CDH20: variants seen among roughly 807,000 people sequenced by gnomAD.
CDH20 encodes the protein cadherin 20.
A neutral mutation model predicts 74.2 loss-of-function variants in CDH20; 29 were observed. The observed-to-expected ratio is 0.39, with a 90% CI of 0.29 to 0.53. The LOEUF is 0.53. CDH20 is among the 20% of genes least tolerant of loss of function. The pLI is 0.69. For missense variants in CDH20, 988 were observed against 1,048.3 expected (o/e 0.94, Z 0.79); for synonymous variants, 469 against 405.4 (o/e 1.16, Z -1.88).
intron 1 of CDH20, among the ~76,000 whole-genome samples, chr18:61,426,017 G>A (rs1432848048): frequency 6.6e-6 from 1 of 152,076 alleles, no homozygotes; most frequent in Non-Finnish European, 1.5e-5. Flanking sequence ...CATTGCTAGT[G>A]TACAGAAACA....
chr18:61,431,632 G>A (rs887406741), intron 1 of CDH20, among the ~76,000 whole-genome samples: 1 of 151,828 alleles, frequency 6.6e-6, no homozygotes, highest in African/African-American at 2.4e-5. Flanking sequence ...CCTAGAAAGT[G>A]CCTACCATAT....
chr18:61,488,165 T>C (rs1354290019), intron 1 of CDH20, among the ~76,000 whole-genome samples: 5 of 152,166 alleles, frequency 3.3e-5, no homozygotes, highest in African/African-American at 1.2e-4. Context: ...TTTTCTTTAC[T>C]ATTGAAGAGT....
chr18:61,396,429 T>A (rs1007900264), intron 1 of CDH20, among the ~76,000 whole-genome samples: 5 of 152,156 alleles, frequency 3.3e-5, no homozygotes, highest in Admixed American at 1.3e-4. Flanking sequence ...CCAGTTTTTA[T>A]CTGCTCAGAG....
intron 5 of CDH20, among the ~76,000 whole-genome samples, chr18:61,505,174 A>G (rs1911516792): frequency 1.3e-5 from 2 of 152,146 alleles, no homozygotes; most frequent in African/African-American, 4.8e-5. Flanking sequence ...AAGGGACAGT[A>G]GAACCAGCTA....
At chr18:61,483,813 C>T (rs544065939) in intron 1 of CDH20, among the ~76,000 whole-genome samples, 1 of 152,310 alleles carries the variant, frequency 6.6e-6, no homozygotes, top group East Asian at 1.9e-4. Context: ...ATAATTACCT[C>T]CAGTTTGTAA....
chr18:61,513,543 C>G (rs1162879518), intron 6 of CDH20, among the ~76,000 whole-genome samples: 1 of 147,764 alleles, frequency 6.8e-6, no homozygotes, highest in Non-Finnish European at 1.5e-5. Context: ...CCTGCCATTA[C>G]GATGTTAGCT....
At chr18:61,404,395 C>A (rs995301177) in intron 1 of CDH20, among the ~76,000 whole-genome samples, 6 of 152,094 alleles carry the variant, frequency 3.9e-5, no homozygotes, top group Non-Finnish European at 5.9e-5. Context: ...AGGCCACTAA[C>A]CCACCAAAAT....
At chr18:61,496,263 T>TTTCC (rs1303118258) in intron 2 of CDH20, among the ~76,000 whole-genome samples, 1 of 106,060 alleles carries the variant, frequency 9.4e-6, no homozygotes, top group African/African-American at 3.9e-5. Flanking sequence ...TCTCCCTTCC[T>TTTCC]CTCCCTTCCT....
chr18:61,531,171 G>A (rs911908468), intron 7 of CDH20, among the ~76,000 whole-genome samples: 1 of 152,234 alleles, frequency 6.6e-6, no homozygotes, highest in Admixed American at 6.5e-5. Flanking sequence ...CCCCATTGGG[G>A]AAATCAGAGA....
intron 1 of CDH20, among the ~76,000 whole-genome samples, chr18:61,414,078 C>A (rs1912604138): frequency 6.6e-6 from 1 of 152,096 alleles, no homozygotes; most frequent in South Asian, 2.1e-4. Flanking sequence ...TATTTGAATT[C>A]TTATGAATGA....
intron 1 of CDH20, among the ~76,000 whole-genome samples, chr18:61,398,234 A>G (rs768676107): frequency 6.6e-6 from 1 of 152,214 alleles, no homozygotes; most frequent in African/African-American, 2.4e-5. Context: ...TACATAGTAC[A>G]TGTCTTATTT....
At chr18:61,524,084 C>G (rs1912304133) in intron 6 of CDH20, among the ~76,000 whole-genome samples, 5 of 151,896 alleles carry the variant, frequency 3.3e-5, no homozygotes, top group Admixed American at 2.0e-4. Flanking sequence ...ATAAAGGACA[C>G]TGTTAAGAGA....
At chr18:61,340,117 G>A (rs747290733) in intron 1 of CDH20, among the ~76,000 whole-genome samples, 1 of 151,236 alleles carries the variant, frequency 6.6e-6, no homozygotes, top group Non-Finnish European at 1.5e-5. Flanking sequence ...CTACTTATCT[G>A]TTCCTGCACC....
chr18:61,549,187 CCACAA>C (rs896981701), intron 10 of CDH20, among the ~76,000 whole-genome samples: 3 of 152,140 alleles, frequency 2.0e-5, no homozygotes, highest in Admixed American at 6.6e-5. Context: ...ATGAAAACTC[CCACAA>C]CACAATATGT....
chr18:61,366,499 A>G (rs1449233074), intron 1 of CDH20, among the ~76,000 whole-genome samples: 1 of 152,204 alleles, frequency 6.6e-6, no homozygotes, highest in Non-Finnish European at 1.5e-5. Context: ...TGGACATTAC[A>G]TAAATCCTTA....
intron 1 of CDH20, among the ~76,000 whole-genome samples, chr18:61,388,077 C>G (rs1017429320): frequency 6.6e-6 from 1 of 152,074 alleles, no homozygotes; most frequent in African/African-American, 2.4e-5. Context: ...AGTGCTATAC[C>G]TACAGTGCAA....
At chr18:61,489,062 A>G (rs653271) in intron 1 of CDH20, among the ~76,000 whole-genome samples, 151,154 of 152,370 alleles carry the variant, frequency 0.99, 74,990 homozygotes, top group Middle Eastern at 1. Flanking sequence ...GCTGGAGCTC[A>G]TAAGAGGCAC....
At chr18:61,401,778 G>A (rs543859784) in intron 1 of CDH20, among the ~76,000 whole-genome samples, 1 of 151,776 alleles carries the variant, frequency 6.6e-6, no homozygotes, top group Non-Finnish European at 1.5e-5. Flanking sequence ...TTTTTGTTCC[G>A]TGCAAATTCA....
intron 6 of CDH20, among the ~76,000 whole-genome samples, chr18:61,516,454 C>G (rs954951859): frequency 5.9e-5 from 9 of 152,038 alleles, no homozygotes; most frequent in Admixed American, 1.3e-4. Context: ...GCTGTGAGAA[C>G]AAAGAAGGGA....
Sources: allele counts gnomAD v4.1 joint callset (sites outside exome capture counted in the v4.1 genomes callset), GRCh38; gene constraint gnomAD v4.1.1; transcripts MANE v1.5; gene names NCBI Gene and HGNC (gene_info 2026-07-23, HGNC 2026-07-21).